The following LRBA variants were observed in gnomAD, a reference collection of about 807,000 sequenced individuals.
LRBA encodes the protein lipopolysaccharide-responsive and beige-like anchor protein.
In LRBA, 176 loss-of-function variants were observed where a neutral mutation model predicts 330.0. That is an observed-to-expected ratio of 0.53 (90% CI 0.47 to 0.60). The LOEUF (loss-of-function observed/expected upper bound fraction) is 0.60. Ranked by LOEUF, LRBA falls within the 20% of genes least tolerant of loss-of-function variation. LRBA has a pLI of 0.00. For synonymous variants in LRBA, 1,230 were observed against 1,193.0 expected (o/e 1.03, Z -0.64); for missense variants, 3,259 against 3,444.8 (o/e 0.95, Z 1.35).
chr4:150,734,398 A>G (rs1488081084), intron 36 of LRBA, among the ~76,000 whole-genome samples: 1 of 152,028 alleles, frequency 6.6e-6, no homozygotes, highest in African/African-American at 2.4e-5. Context: ...CTTAAGTGAA[A>G]TTGGTCTTCT....
chr4:150,928,582 G>C lies in LRBA; in HGVS notation c.483C>G (p.Ser161Arg), dbSNP rs1271436288. Residue 161 changes from serine to arginine, a missense_variant, in exon 4 of 57, where the codon AGC (serine) becomes AGG (arginine). Coordinates refer to ENST00000651943, the MANE Select transcript of LRBA (RefSeq NM_001364905.1). ...TTAGCTCGCGAACTGTCAAATTATA[G>C]CTAGCCAGCACTCCCAACATGTCAA... ...LLVDMLGVLA[S>R]YNLTVRELKL... 6.2e-7 allele frequency: 1 copy of C among 1,613,664 alleles called. No individual in the cohort carries two copies. The highest frequency in any genetic ancestry group is 8.5e-7 in the Non-Finnish European group (1 of 1,179,772).
chr4:150,435,107 G>A (rs549192045), intron 46 of LRBA, among the ~76,000 whole-genome samples: 1 of 152,224 alleles, frequency 6.6e-6, no homozygotes, highest in South Asian at 2.1e-4. Flanking sequence ...CACTTTGGGA[G>A]GCTGAGGCAG....
intron 35 of LRBA, among the ~76,000 whole-genome samples, chr4:150,752,675 G>A (rs1429182112): frequency 6.6e-6 from 1 of 151,962 alleles, no homozygotes; most frequent in African/African-American, 2.4e-5. Flanking sequence ...TTCATCCTGA[G>A]AATATAAAAC....
chr4:150,640,608 A>G (rs538340339), intron 37 of LRBA, among the ~76,000 whole-genome samples: 1 of 152,304 alleles, frequency 6.6e-6, no homozygotes, highest in South Asian at 2.1e-4. Context: ...GTGAAGAACT[A>G]TAGCATTACA....
At chr4:150,443,853 A>AAAAAAAAATATATATATAT (rs70941406) in intron 44 of LRBA, among the ~76,000 whole-genome samples, 2 of 75,470 alleles carry the variant, frequency 2.7e-5, no homozygotes, top group Non-Finnish European at 6.0e-5. Context: ...TAATTAAAAA[A>AAAAAAAAATATATATATAT]ATATATATAT....
chr4:150,531,135 G>A (rs947132915), intron 40 of LRBA, among the ~76,000 whole-genome samples: 2 of 152,120 alleles, frequency 1.3e-5, no homozygotes, highest in African/African-American at 4.8e-5. Context: ...TAAGATCAAG[G>A]ACTTTTGTCC....
At chr4:150,334,333 C>A (rs1734352755) in intron 48 of LRBA, among the ~76,000 whole-genome samples, 1 of 151,790 alleles carries the variant, frequency 6.6e-6, no homozygotes, top group Non-Finnish European at 1.5e-5. Flanking sequence ...ATGAAATTTG[C>A]AAAATAATCT....
chr4:150,801,667 T>C (rs1741629857), intron 33 of LRBA, among the ~76,000 whole-genome samples: 1 of 152,178 alleles, frequency 6.6e-6, no homozygotes, highest in Admixed American at 6.5e-5. Flanking sequence ...CACGTCTTTT[T>C]AGAAAAATGG....
chr4:150,285,442 C>T (rs1296400294), intron 54 of LRBA, among the ~76,000 whole-genome samples: 1 of 152,200 alleles, frequency 6.6e-6, no homozygotes, highest in Non-Finnish European at 1.5e-5. Context: ...CTTTCTACTC[C>T]ACTCTCAATG....
chr4:150,892,568 G>A (rs764078162), intron 17 of LRBA, among the ~76,000 whole-genome samples: 2 of 152,166 alleles, frequency 1.3e-5, no homozygotes, highest in Non-Finnish European at 2.9e-5. Flanking sequence ...CCCACCTCCA[G>A]AACTGTGAGA....
chr4:150,301,080 G>A (rs1488072633), intron 53 of LRBA, among the ~76,000 whole-genome samples: 1 of 151,820 alleles, frequency 6.6e-6, no homozygotes, highest in Non-Finnish European at 1.5e-5. Context: ...TTTAAATATA[G>A]GTTTGCCTGA....
intron 17 of LRBA, among the ~76,000 whole-genome samples, chr4:150,885,556 G>A (rs1201303620): frequency 6.6e-6 from 1 of 152,126 alleles, no homozygotes; most frequent in Admixed American, 6.5e-5. Flanking sequence ...AGGAGACAGA[G>A]GTTGTAGTGA....
At chr4:150,704,529 C>T (rs1481171249) in intron 36 of LRBA, among the ~76,000 whole-genome samples, 1 of 151,714 alleles carries the variant, frequency 6.6e-6, no homozygotes, top group African/African-American at 2.4e-5. Flanking sequence ...CTGGGAAGTA[C>T]CTGAATTCTA....
intron 36 of LRBA, among the ~76,000 whole-genome samples, chr4:150,689,704 T>A (rs1451912959): frequency 6.6e-6 from 1 of 152,016 alleles, no homozygotes; most frequent in Admixed American, 6.6e-5. Context: ...GACAGGAGGA[T>A]CGCTTGAGCA....
intron 37 of LRBA, among the ~76,000 whole-genome samples, chr4:150,622,031 T>C (rs1307914498): frequency 6.6e-6 from 1 of 152,214 alleles, no homozygotes; most frequent in Non-Finnish European, 1.5e-5. Context: ...TAAACTTTTG[T>C]AAGCATACAG....
intron 35 of LRBA, among the ~76,000 whole-genome samples, chr4:150,749,599 AAAAAAT>A (rs1733254368): frequency 6.6e-6 from 1 of 152,026 alleles, no homozygotes; most frequent in African/African-American, 2.4e-5. Flanking sequence ...CTACCCAAAA[AAAAAAT>A]AATAATAATA....
At chr4:150,954,145 G>A (rs1202983422) in intron 2 of LRBA, among the ~76,000 whole-genome samples, 8 of 150,610 alleles carry the variant, frequency 5.3e-5, no homozygotes, top group African/African-American at 2.0e-4. Flanking sequence ...CGTCGGGGAG[G>A]TGGGGGGCAG....
intron 37 of LRBA, among the ~76,000 whole-genome samples, chr4:150,668,329 G>T (rs1781747136): frequency 6.6e-6 from 1 of 152,172 alleles, no homozygotes. Flanking sequence ...ATTCATTAGT[G>T]GGTCTGGAGG....
chr4:150,933,832 C>A (rs1047096223), intron 2 of LRBA, among the ~76,000 whole-genome samples: 4 of 151,844 alleles, frequency 2.6e-5, no homozygotes, highest in African/African-American at 9.7e-5. Context: ...GGGTCTTGAA[C>A]CAACATGGCG....
Sources: allele counts gnomAD v4.1 joint callset (sites outside exome capture counted in the v4.1 genomes callset), GRCh38; gene constraint gnomAD v4.1.1; transcripts MANE v1.5; gene names NCBI Gene and HGNC (gene_info 2026-07-23, HGNC 2026-07-21).